HACD3: variants seen among roughly 807,000 people sequenced by gnomAD.
HACD3 encodes the protein 3-hydroxyacyl-CoA dehydratase 3.
In HACD3, 30 loss-of-function variants were observed where a neutral mutation model predicts 55.2. The ratio of observed to expected loss-of-function variants is 0.54; its 90% CI spans 0.41 to 0.74. The LOEUF (loss-of-function observed/expected upper bound fraction) is 0.74. Among genes scored for constraint, HACD3 ranks in the 30% least tolerant of loss-of-function variants. HACD3 has a pLI of 0.00. For synonymous variants in HACD3, 141 were observed against 151.7 expected (o/e 0.93, Z 0.52); for missense variants, 363 against 440.1 (o/e 0.82, Z 1.57).
At chr15:65,535,655 A>T in intron 1 of HACD3, 1 of 402,378 alleles carries the variant, frequency 2.5e-6, no homozygotes, top group Non-Finnish European at 4.4e-6. Flanking sequence ...CATTATTATT[A>T]TATCTGTTCT....
intron 1 of HACD3, among the ~76,000 whole-genome samples, chr15:65,547,051 A>G (rs536802975): frequency 8.7e-4 from 133 of 152,250 alleles, no homozygotes; most frequent in African/African-American, 3.1e-3. Context: ...TCCACCAGCG[A>G]CGAAAAATGC....
intron 1 of HACD3, among the ~76,000 whole-genome samples, chr15:65,543,516 A>G (rs1302041779): frequency 6.6e-6 from 1 of 152,244 alleles, no homozygotes; most frequent in Non-Finnish European, 1.5e-5. Context: ...TGTAAAAGAT[A>G]TAAATCTTAA....
chr15:65,570,286 C>T (rs1264457248), intron 8 of HACD3, 83 bp downstream of exon 8: 1 of 1,022,264 alleles, frequency 9.8e-7, no homozygotes, highest in Non-Finnish European at 1.5e-6. Flanking sequence ...TTATCTTAGC[C>T]AGAGTCTCAT....
chr15:65,542,298 C>T (rs2072028989), intron 1 of HACD3, among the ~76,000 whole-genome samples: 1 of 151,370 alleles, frequency 6.6e-6, no homozygotes, highest in Non-Finnish European at 1.5e-5. Context: ...GGGTCTCACT[C>T]TGTCACCCAG....
intron 10 of HACD3, among the ~76,000 whole-genome samples, chr15:65,575,732 A>T (rs2072394624): frequency 6.6e-6 from 1 of 152,192 alleles, no homozygotes; most frequent in South Asian, 2.1e-4. Flanking sequence ...GTAAATCTAG[A>T]TGTTCCCTGT....
At chr15:65,536,217 C>T (rs1165284933) in intron 1 of HACD3, among the ~76,000 whole-genome samples, 3 of 151,882 alleles carry the variant, frequency 2.0e-5, no homozygotes, top group South Asian at 2.1e-4. Context: ...AGGTTGGTCT[C>T]GAACTCCTAA....
intron 2 of HACD3, chr15:65,553,238 C>G (rs2072153448): frequency 6.6e-6 from 1 of 151,926 alleles, no homozygotes; most frequent in African/African-American, 2.4e-5. Context: ...TATTACATCC[C>G]TTCTCACTAT....
At chr15:65,545,005 G>C (rs2141208953) in intron 1 of HACD3, among the ~76,000 whole-genome samples, 1 of 150,258 alleles carries the variant, frequency 6.7e-6, no homozygotes, top group Non-Finnish European at 1.5e-5. Context: ...TGGGCAACAA[G>C]GGAAATTCTG....
chr15:65,542,438 A>AT (rs566837784), intron 1 of HACD3, among the ~76,000 whole-genome samples: 45 of 151,740 alleles, frequency 3.0e-4, no homozygotes, highest in South Asian at 1.3e-3. Context: ...TAATTTTTGT[A>AT]TTTTTTGTAG....
chr15:65,543,331 T>A (rs1049814230), intron 1 of HACD3, among the ~76,000 whole-genome samples: 1 of 152,004 alleles, frequency 6.6e-6, no homozygotes, highest in Admixed American at 6.5e-5. Context: ...ATTTCTCCCT[T>A]TTCTTTTTTT....
intron 5 of HACD3, among the ~76,000 whole-genome samples, chr15:65,561,676 A>G (rs2072245907): frequency 6.6e-6 from 1 of 152,164 alleles, no homozygotes; most frequent in African/African-American, 2.4e-5. Context: ...TTTCCCCCAC[A>G]TACCAAGCAA....
chr15:65,560,374 TC>T (rs1309559918), intron 5 of HACD3, among the ~76,000 whole-genome samples: 2 of 152,222 alleles, frequency 1.3e-5, no homozygotes, highest in Non-Finnish European at 2.9e-5. Flanking sequence ...TCTTGTTTCT[TC>T]CTTTACTCTG....
At chr15:65,532,596 C>T (rs1269553781) in intron 1 of HACD3, among the ~76,000 whole-genome samples, 1 of 149,302 alleles carries the variant, frequency 6.7e-6, no homozygotes, top group Non-Finnish European at 1.5e-5. Flanking sequence ...GGTGCCATTG[C>T]ACTCCAGCCT....
At chr15:65,537,949 AAAAAAAAAAATATATATAT>A (rs1428256448) in intron 1 of HACD3, among the ~76,000 whole-genome samples, 83 of 56,942 alleles carry the variant, frequency 1.5e-3, no homozygotes, top group African/African-American at 4.4e-3. Flanking sequence ...AAAAAAAAAA[AAAAAAAAAAATATATATAT>A]ATATATATAT....
chr15:65,555,938 G>C lies in HACD3; in HGVS notation c.205-801G>C, dbSNP rs576343679. Among the ~76,000 whole-genome samples, 5 of 152,308 alleles carry C rather than the reference G, an allele frequency of 3.3e-5. No homozygotes were observed. The South Asian group carries it at 1.0e-3, about 32-fold the overall frequency. Reference sequence around the variant, plus strand: ...ACCTTGCATGATGTGGCTGTGGCAGGAGGTTCATGCTAGTTCCCTCCAGCC... The same window carrying C: ...ACCTTGCATGATGTGGCTGTGGCAGCAGGTTCATGCTAGTTCCCTCCAGCC... On this transcript the variant is annotated intron_variant, in intron 3 of 10. Coordinates refer to ENST00000261875, the MANE Select transcript of HACD3 (RefSeq NM_016395.4).
chr15:65,565,871 T>C (rs2141222267), intron 7 of HACD3: 1 of 152,380 alleles, frequency 6.6e-6, no homozygotes, highest in Non-Finnish European at 1.5e-5. Flanking sequence ...TCCAAACTTT[T>C]ATGCTGTTTC....
At position 65,577,561 on chromosome 15, in the gene HACD3, A is replaced by AAAT. The variant is rs1377139515; in HGVS notation, c.*1184_*1186dup. 2 of 152,236 alleles carry AAAT rather than the reference A, an allele frequency of 1.3e-5. No homozygotes were observed. The highest frequency in any genetic ancestry group is 2.9e-5 in the Non-Finnish European group (2 of 68,064). 9.4% of individuals were successfully genotyped at this position (152,236 alleles called of 1,614,324 possible). A position where few individuals can be genotyped will look rare whatever the true frequency, so the allele number is the denominator to read the frequency against. On this transcript the variant is annotated 3_prime_UTR_variant, in exon 11 of 11. Coordinates refer to ENST00000261875, the MANE Select transcript of HACD3 (RefSeq NM_016395.4). ...CAGTGTACAGCCTTTGACAAACTAG[A>AAAT]AATATTAGAGTAGGCCAAACACACC...
At chr15:65,553,681 C>A (rs1348011668) in intron 2 of HACD3, among the ~76,000 whole-genome samples, 3 of 152,336 alleles carry the variant, frequency 2.0e-5, no homozygotes, top group East Asian at 1.9e-4. Context: ...AAAAGCATAT[C>A]TTGCCACTTA....
At chr15:65,572,419 G>T (rs2072357234) in intron 10 of HACD3, 53 bp downstream of exon 10, 2 of 1,443,542 alleles carry the variant, frequency 1.4e-6, no homozygotes, top group East Asian at 5.0e-5. Flanking sequence ...TTAGACAGTA[G>T]AATTAAATCA....
Sources: gnomAD v4.1 joint callset for allele counts (sites outside exome capture counted in the v4.1 genomes callset) on GRCh38, gnomAD v4.1.1 for gene constraint, MANE v1.5 for transcripts, NCBI Gene and HGNC (gene_info 2026-07-23, HGNC 2026-07-21) for gene names.